UST: variants seen among roughly 807,000 people sequenced by gnomAD.
UST encodes chondroitin sulfate 2-O-sulfotransferase.
Under a neutral mutation model 45.6 loss-of-function variants are expected in UST, and 21 were observed. The observed-to-expected ratio is 0.46, with a 90% CI of 0.33 to 0.66. The LOEUF is 0.66. Among genes scored for constraint, UST ranks in the 30% least tolerant of loss-of-function variants. The pLI is 0.02. For missense variants in UST, 463 were observed against 512.4 expected, an observed-to-expected ratio of 0.90 and a Z score of 0.93; for synonymous variants, 215 against 200.6, an observed-to-expected ratio of 1.07 and a Z score of -0.61.
chr6:148,835,868 A>G (rs184113137), intron 1 of UST, among the ~76,000 whole-genome samples: 8 of 152,298 alleles, frequency 5.3e-5, no homozygotes, highest in Admixed American at 2.6e-4. Flanking sequence ...TGTTTTTTAA[A>G]AAGGGATGTT....
At chr6:149,016,484 A>G (rs1340196931) in intron 5 of UST, among the ~76,000 whole-genome samples, 5 of 151,296 alleles carry the variant, frequency 3.3e-5, no homozygotes, top group African/African-American at 7.3e-5. Flanking sequence ...TCCTTCTGCC[A>G]TTTATTCACT....
At chr6:148,861,836 A>G (rs1248752544) in intron 1 of UST, among the ~76,000 whole-genome samples, 1 of 152,156 alleles carries the variant, frequency 6.6e-6, no homozygotes, top group Non-Finnish European at 1.5e-5. Flanking sequence ...CCTGAGTTCT[A>G]GTTTGATTGC....
At chr6:149,000,437 A>T (rs941944001) in intron 5 of UST, among the ~76,000 whole-genome samples, 84 of 152,282 alleles carry the variant, frequency 5.5e-4, no homozygotes, top group African/African-American at 1.9e-3. Flanking sequence ...AATAAGACAG[A>T]GGGTGAGAAG....
intron 1 of UST, among the ~76,000 whole-genome samples, chr6:148,810,699 A>T (rs141162179): frequency 6.6e-6 from 1 of 152,192 alleles, no homozygotes; most frequent in Non-Finnish European, 1.5e-5. Flanking sequence ...CCCTAAAACT[A>T]TAATACAAGG....
At chr6:149,056,076 A>T (rs1776558143) in intron 7 of UST, among the ~76,000 whole-genome samples, 2 of 146,382 alleles carry the variant, frequency 1.4e-5, no homozygotes. Flanking sequence ...CAGTATCCAT[A>T]TCAAACATTT....
rs192423087 is a variant in UST, at chr6:148,806,994, A to G, written c.247+59317A>G. On this transcript the variant is annotated intron_variant, in intron 1 of 7. Transcript: ENST00000367463. ...CACTGTTGCAAGAGCAATTCAATCA[A>G]TATGAGTTGTAGAGGGGACATTAAA... Among the ~76,000 whole-genome samples, 545 of 152,326 alleles carry G rather than the reference A, an allele frequency of 3.6e-3. 4 individuals are homozygous for G. The highest frequency in any genetic ancestry group is 0.013 in the African/African-American group (524 of 41,566).
intron 4 of UST, chr6:148,955,901 G>A (rs906915472): frequency 1.2e-4 from 19 of 152,106 alleles, no homozygotes; most frequent in African/African-American, 4.6e-4. Context: ...ATCTTAATTG[G>A]GTTGGCAGAT....
intron 4 of UST, among the ~76,000 whole-genome samples, chr6:148,961,464 A>C (rs920786505): frequency 1.3e-5 from 2 of 152,256 alleles, no homozygotes; most frequent in Non-Finnish European, 2.9e-5. Flanking sequence ...ATGAAGGGAA[A>C]TAAGTCTTAA....
intron 4 of UST, among the ~76,000 whole-genome samples, chr6:148,960,178 A>G (rs2114951770): frequency 6.6e-6 from 1 of 152,200 alleles, no homozygotes; most frequent in Admixed American, 6.5e-5. Flanking sequence ...AATCCCAACT[A>G]CTTGGGAGAC....
intron 5 of UST, among the ~76,000 whole-genome samples, chr6:148,978,161 T>A (rs1781055963): frequency 6.6e-6 from 1 of 152,210 alleles, no homozygotes; most frequent in Admixed American, 6.5e-5. Context: ...CCAGATAAAA[T>A]TATATCCCCA....
chr6:148,848,876 C>T (rs1220014353), intron 1 of UST, among the ~76,000 whole-genome samples: 6 of 152,014 alleles, frequency 3.9e-5, no homozygotes, highest in Non-Finnish European at 8.8e-5. Context: ...TGGCTCAGTC[C>T]AAGTCAGAAG....
chr6:148,817,269 C>G (rs1235956152), intron 1 of UST, among the ~76,000 whole-genome samples: 1 of 152,176 alleles, frequency 6.6e-6, no homozygotes, highest in Admixed American at 6.5e-5. Context: ...AAATCTAGCC[C>G]TTCTTTTATT....
chr6:148,897,180 T>A (rs1460055686), intron 2 of UST, among the ~76,000 whole-genome samples: 2 of 152,144 alleles, frequency 1.3e-5, no homozygotes, highest in Non-Finnish European at 2.9e-5. Flanking sequence ...TTTTTAAAAT[T>A]TTTTTGAGAC....
chr6:148,964,699 C>A, intron 5 of UST, 136 bp downstream of exon 5: 2 of 1,138,984 alleles, frequency 1.8e-6, no homozygotes, highest in Non-Finnish European at 1.2e-6. Context: ...AGGGTGCTTC[C>A]GCAGGAAGGA....
chr6:148,790,862 G>T lies in UST; in HGVS notation c.247+43185G>T, dbSNP rs562095584. On this transcript the variant is annotated intron_variant, in intron 1 of 7. Coordinates refer to ENST00000367463, the MANE Select transcript of UST (RefSeq NM_005715.3). This position sits in a 1 kb window ranked among gnomAD's most constrained non-coding sequence, Gnocchi z 4.2. ...GGCTGAGCTCCGTTGCAGCTGCATC[G>T]CAGTTTGCCTTCTCTCTCTGCCCGT... Among the ~76,000 whole-genome samples, 1 of 152,172 alleles carries T rather than the reference G, an allele frequency of 6.6e-6. No homozygotes were observed. The highest frequency in any genetic ancestry group is 2.4e-5 in the African/African-American group (1 of 41,446).
intron 1 of UST, among the ~76,000 whole-genome samples, chr6:148,826,564 G>A (rs563518785): frequency 1.3e-5 from 2 of 151,822 alleles, no homozygotes; most frequent in Non-Finnish European, 2.9e-5. Flanking sequence ...ATTCTTCCTA[G>A]ATACCTAAAC....
At chr6:148,876,833 C>T (rs528418910) in intron 1 of UST, among the ~76,000 whole-genome samples, 34 of 151,586 alleles carry the variant, frequency 2.2e-4, no homozygotes, top group African/African-American at 7.8e-4. Context: ...GACCACGTTT[C>T]CTTATCTCCT....
intron 5 of UST, among the ~76,000 whole-genome samples, chr6:148,974,115 T>C (rs1262859678): frequency 6.6e-6 from 1 of 152,200 alleles, no homozygotes; most frequent in East Asian, 1.9e-4. Flanking sequence ...TGACCATTTG[T>C]CACCATATTG....
At chr6:148,980,572 C>A (rs1229126782) in intron 5 of UST, among the ~76,000 whole-genome samples, 2 of 152,230 alleles carry the variant, frequency 1.3e-5, no homozygotes, top group Non-Finnish European at 2.9e-5. Context: ...TCTTAACAAT[C>A]TGGACCTATC....
Sources: gnomAD v4.1 joint callset for allele counts (sites outside exome capture counted in the v4.1 genomes callset) on GRCh38, gnomAD v4.1.1 for gene constraint, Gnocchi (gnomAD v3.1) non-coding constraint, MANE v1.5 for transcripts, NCBI Gene and HGNC (gene_info 2026-07-23, HGNC 2026-07-21) for gene names.